Variants in CARM1 observed in about 807,000 individuals in gnomAD.
CARM1 encodes coactivator associated arginine methyltransferase 1, also known as histone-arginine methyltransferase CARM1.
A neutral mutation model predicts 72.7 loss-of-function variants in CARM1; 14 were observed. The ratio of observed to expected loss-of-function variants is 0.19; its 90% CI spans 0.13 to 0.30. CARM1 has a LOEUF of 0.30. Ranked by LOEUF, CARM1 falls within the 10% of genes least tolerant of loss-of-function variation. The pLI is 1.00. For missense variants in CARM1, 432 were observed against 833.7 expected, an observed-to-expected ratio of 0.52 and a Z score of 5.93; for synonymous variants, 333 against 345.5, an observed-to-expected ratio of 0.96 and a Z score of 0.40.
At chr19:10,918,780 A>G (rs1170591064) in intron 8 of CARM1, among the ~76,000 whole-genome samples, 1 of 152,026 alleles carries the variant, frequency 6.6e-6, no homozygotes, top group Non-Finnish European at 1.5e-5. Context: ...TGCCCTCCCC[A>G]TGGGGAAAAG....
At chr19:10,893,219 T>G (rs1417509420) in intron 1 of CARM1, among the ~76,000 whole-genome samples, 1 of 150,954 alleles carries the variant, frequency 6.6e-6, no homozygotes, top group Non-Finnish European at 1.5e-5. Flanking sequence ...ATATTTTGAG[T>G]AGAGACGGGG....
intron 4 of CARM1, among the ~76,000 whole-genome samples, chr19:10,910,716 C>T (rs1382208335): frequency 1.3e-5 from 2 of 151,520 alleles, no homozygotes; most frequent in Non-Finnish European, 2.9e-5. Flanking sequence ...CAGGCGCACA[C>T]CACCAAGCCC....
chr19:10,885,862 C>T, intron 1 of CARM1, among the ~76,000 whole-genome samples: 1 of 147,652 alleles, frequency 6.8e-6, no homozygotes, highest in South Asian at 2.1e-4. Context: ...CCACAGGGAG[C>T]CACAGCAGCC....
chr19:10,919,264 CTGGT>C (rs2074221562), intron 8 of CARM1: 2 of 256,470 alleles, frequency 7.8e-6, no homozygotes, highest in East Asian at 1.5e-4. Flanking sequence ...AGAGCCATCA[CTGGT>C]TTAATTAGAT....
At position 10,916,435 on chromosome 19, in the gene CARM1, C is replaced by T. The variant is rs148487813; in HGVS notation, c.876C>T (p.Val292=). The T allele has an allele frequency of 7.4e-6, 12 of 1,613,820 alleles. No homozygotes were observed. Among genetic ancestry groups the T allele is most frequent in the Non-Finnish European group, 1.0e-5 (12 of 1,179,838 alleles). Residue 292 remains valine, a synonymous_variant, in exon 7 of 16, where the codon GTC becomes GTT. Transcript: ENST00000327064. This position sits in a 1 kb window ranked among gnomAD's most constrained non-coding sequence, Gnocchi z 4.4. The part of the protein sequence containing the change: ...SGNMFPTIGD[V]HLAPFTDEQL... ...ACATGTTTCCTACCATTGGTGACGT[C>T]CACCTTGCACCCTTCACGGATGAAC...
At chr19:10,905,582 A>G (rs762972365) in intron 2 of CARM1, among the ~76,000 whole-genome samples, 1 of 152,210 alleles carries the variant, frequency 6.6e-6, no homozygotes, top group Non-Finnish European at 1.5e-5. Flanking sequence ...AGGAATGCCC[A>G]GGGCTGGAGA....
In CARM1 at chr19:10,921,642, G is replaced by A. The variant is rs1422712222; in HGVS notation, c.1712G>A (p.Gly571Asp). 3 of 1,613,124 alleles carry A rather than the reference G, an allele frequency of 1.9e-6. No homozygotes were observed. Among genetic ancestry groups the A allele is most frequent in the Non-Finnish European group, 2.5e-6 (3 of 1,179,638 alleles). ...QGSSGAQGSG[G>D]GSTSAHYAVN... is the part of the protein sequence containing the mutation. ...TCCTCCGGCGCCCAGGGCAGTGGTG[G>A]TGGCAGCACGAGTGCCCACTATGCA... Residue 571 changes from glycine (G) to aspartate (D), a missense_variant, in exon 16 of 16, where the codon GGT becomes GAT. Physicochemically the swap from Gly to Asp is moderately conservative, Grantham distance 94. Around this residue, in one of 3 missense-constraint regions of CARM1, gnomAD observed 142 missense variants for 188.7 expected, o/e 0.75. Transcript: ENST00000327064.
At chr19:10,883,556 CTTTG>C (rs558230484) in intron 1 of CARM1, among the ~76,000 whole-genome samples, 74 of 152,306 alleles carry the variant, frequency 4.9e-4, no homozygotes, top group Middle Eastern at 6.8e-3. Flanking sequence ...CCTGCCACTT[CTTTG>C]TTTGGCTTAA....
chr19:10,920,399 C>A lies in CARM1; in HGVS notation c.1197-37C>A. 1 of 1,590,704 alleles carries A rather than the reference C, an allele frequency of 6.3e-7. No individual in the cohort carries two copies. Among genetic ancestry groups the A allele is most frequent in the Non-Finnish European group, 8.6e-7 (1 of 1,163,518 alleles). On this transcript the variant is annotated intron_variant, in intron 10 of 15. Transcript: ENST00000327064. This position sits in a 1 kb window ranked among gnomAD's most constrained non-coding sequence, Gnocchi z 5.3. Reference sequence around the variant, plus strand: ...AAGGTGGTGGCTCCAGTGGTGGCGCCGGCCCAGTCAAGTATGTGCCTGTCC... The same window carrying A: ...AAGGTGGTGGCTCCAGTGGTGGCGCAGGCCCAGTCAAGTATGTGCCTGTCC...
chr19:10,875,486 G>A (rs549743054), intron 1 of CARM1, among the ~76,000 whole-genome samples: 8 of 151,460 alleles, frequency 5.3e-5, no homozygotes, highest in Non-Finnish European at 8.8e-5. Flanking sequence ...GTGCAATTGC[G>A]CGATCTCCGC....
chr19:10,909,047 CCT>C (rs2074125803), intron 3 of CARM1, 54 bp from the exon 4 acceptor site: 2 of 1,360,102 alleles, frequency 1.5e-6, no homozygotes, highest in Non-Finnish European at 1.1e-6. Context: ...CTGGCCAGGG[CCT>C]TGGCTGCCTC....
rs867164436 is a variant in CARM1 at position 10,908,142 on chromosome 19, C to T, written c.450C>T (p.Phe150=). The part of the protein sequence containing the change: ...RTEESSAVQY[F]QFYGYLSQQQ... ...AGGAGTCTTCTGCCGTGCAGTACTT[C>T]CAGGTGGGTTGTACTCCCCCTCAGC... Residue 150 remains phenylalanine, a synonymous_variant, in exon 3 of 16, where the codon TTC becomes TTT. Coordinates refer to ENST00000327064, the MANE Select transcript of CARM1 (RefSeq NM_199141.2). The T allele has an allele frequency of 3.5e-5, 56 of 1,610,326 alleles. No individual in the cohort carries two copies. The East Asian group carries it at 1.2e-3, about 36-fold the overall frequency.
chr19:10,885,798 G>T (rs1475387592), intron 1 of CARM1, among the ~76,000 whole-genome samples: 1 of 151,844 alleles, frequency 6.6e-6, no homozygotes, highest in East Asian at 1.9e-4. Context: ...ATGATGGGAT[G>T]CCTGGCTCTT....
chr19:10,871,912 C>G lies in CARM1; in HGVS notation c.210C>G (p.Ala70=). The change falls in exon 1 of 16, where the codon GCC becomes GCG. Residue 70 remains alanine, a synonymous_variant. Coordinates refer to ENST00000327064, the MANE Select transcript of CARM1 (RefSeq NM_199141.2). This position sits in a 1 kb window ranked among gnomAD's most constrained non-coding sequence, Gnocchi z 5.6. The part of the protein sequence containing the change: ...VRAGPDSAGI[A]LYSHEDVCVF... Reference sequence around the variant, plus strand: ...CCGGCCCGGACTCGGCGGGCATCGCCCTCTACAGCCGTGAGTACGGGGCCC... The same window carrying G: ...CCGGCCCGGACTCGGCGGGCATCGCGCTCTACAGCCGTGAGTACGGGGCCC... The G allele has an allele frequency of 8.2e-7, 1 of 1,213,312 alleles. No homozygotes were observed. Among genetic ancestry groups the G allele is most frequent in the Non-Finnish European group, 1.0e-6 (1 of 973,242 alleles). 75.2% of individuals were successfully genotyped at this position (1,213,312 alleles called of 1,614,324 possible).
chr19:10,919,339 TC>T, intron 8 of CARM1: 1 of 480,498 alleles, frequency 2.1e-6, no homozygotes, highest in South Asian at 3.2e-5. Flanking sequence ...GTTGATGTGT[TC>T]ATGTATCTGG....
intron 5 of CARM1, 25 bp from the exon 6 acceptor site, chr19:10,913,852 C>T: frequency 1.2e-6 from 2 of 1,602,000 alleles, no homozygotes; most frequent in Non-Finnish European, 1.7e-6. Context: ...CGCAGGGAAG[C>T]CCACATGGCC....
intron 1 of CARM1, among the ~76,000 whole-genome samples, chr19:10,897,631 G>A (rs1425468089): frequency 6.6e-6 from 1 of 152,160 alleles, no homozygotes; most frequent in South Asian, 2.1e-4. Context: ...TGTTCTTTAC[G>A]TTCCCCGTTG....
At position 10,912,892 on chromosome 19, in the gene CARM1, C is replaced by T. The variant is rs1267665078; in HGVS notation, c.669+598C>T. Among the ~76,000 whole-genome samples the T allele has an allele frequency of 1.3e-5, 2 of 152,232 alleles. No homozygotes were observed. The highest frequency in any genetic ancestry group is 4.8e-5 in the African/African-American group (2 of 41,470). The stretch of plus-strand genomic sequence containing the variant: ...CCAGGTCTTCACGTGGCCAACGCTG[C>T]TGTCCTGAGCCCCTCTCCCACATGC... On this transcript the variant is annotated intron_variant, in intron 5 of 15. Coordinates refer to ENST00000327064, the MANE Select transcript of CARM1 (RefSeq NM_199141.2). The surrounding 1 kb of genome is among the most constrained non-coding windows in gnomAD (Gnocchi z 4.5).
rs183578268 is a variant in CARM1, at chr19:10,907,154, G to A, written c.347-885G>A. 2.6e-3 allele frequency among the ~76,000 whole-genome samples: 395 copies of A among 151,814 alleles called. 2 individuals are homozygous for A. Among genetic ancestry groups the A allele is most frequent in the African/African-American group, 9.2e-3 (380 of 41,362 alleles). ...ACTCCTGACCTCAAGTGATCCACTC[G>A]CCTCAGCCTCCCAAAGTGCTAGGAT... On this transcript the variant is annotated intron_variant, in intron 2 of 15. Transcript: ENST00000327064.
Sources: gnomAD v4.1 joint callset for allele counts (sites outside exome capture counted in the v4.1 genomes callset) on GRCh38, gnomAD v4.1.1 for gene constraint, gnomAD v4.1.1 regional missense constraint, Gnocchi (gnomAD v3.1) non-coding constraint, MANE v1.5 for transcripts, NCBI Gene and HGNC (gene_info 2026-07-23, HGNC 2026-07-21) for gene names.